PTPRE: variants seen among roughly 807,000 people sequenced by gnomAD.
PTPRE encodes the protein receptor-type tyrosine-protein phosphatase epsilon.
PTPRE carries 51 observed loss-of-function variants against 102.0 expected under a neutral mutation model. The observed-to-expected ratio is 0.50, with a 90% CI of 0.40 to 0.63. PTPRE has a LOEUF of 0.63. Among genes scored for constraint, PTPRE ranks in the 30% least tolerant of loss-of-function variants. The probability of loss-of-function intolerance (pLI) is 0.00; values close to 1 mark genes in which losing one functional copy is unlikely to be tolerated. For synonymous variants in PTPRE, 345 were observed against 348.2 expected (o/e 0.99, Z 0.10); for missense variants, 752 against 915.1 (o/e 0.82, Z 2.30).
intron 2 of PTPRE, chr10:127,999,442 T>C (rs1853644036): frequency 4.7e-6 from 3 of 642,244 alleles, no homozygotes; most frequent in Non-Finnish European, 5.8e-6. Flanking sequence ...CTCGTTGTCC[T>C]TTCTTCCTCC....
intron 2 of PTPRE, among the ~76,000 whole-genome samples, chr10:127,984,316 G>C (rs1380408613): frequency 1.3e-5 from 2 of 151,938 alleles, no homozygotes; most frequent in Admixed American, 6.6e-5. Context: ...CCCGACCTCA[G>C]GTGATCTGCC....
chr10:127,961,018 C>CA (rs5788882), intron 1 of PTPRE, among the ~76,000 whole-genome samples: 53,343 of 140,214 alleles, frequency 0.38, 10,403 homozygotes, highest in African/African-American at 0.49. Flanking sequence ...CAGACTCTGT[C>CA]AAAAAAAAAA....
At chr10:127,940,447 T>C (rs1848161990) in intron 1 of PTPRE, among the ~76,000 whole-genome samples, 1 of 152,144 alleles carries the variant, frequency 6.6e-6, no homozygotes. Flanking sequence ...GCTGGTCCCC[T>C]GCATGCACCT....
At chr10:128,047,590 G>C in intron 4 of PTPRE, 101 bp downstream of exon 4, 1 of 1,612,458 alleles carries the variant, frequency 6.2e-7, no homozygotes, top group Non-Finnish European at 8.5e-7. Context: ...GGGCAGCTGA[G>C]AGGCTGGGTG....
Position 128,060,133 on chromosome 10 carries a change from C to A in PTPRE, c.512-806C>A, listed in dbSNP as rs1849425688. Among the ~76,000 whole-genome samples the A allele has an allele frequency of 2.0e-5, 3 of 150,870 alleles. No homozygotes were observed. In the South Asian group the frequency reaches 6.3e-4, roughly 32 times the overall value. On this transcript the variant is annotated intron_variant, in intron 7 of 20. Transcript: ENST00000254667. ...CATACACACCAAACCCACATGCACA[C>A]ATTCACACAGCATACACACTACACA... is the stretch of plus-strand genomic sequence containing the variant.
chr10:128,064,952 G>A lies in PTPRE; in HGVS notation c.724-1123G>A, dbSNP rs572658482. On this transcript the variant is annotated intron_variant, in intron 10 of 20. Transcript: ENST00000254667. ...AGCCACCAACACTGAGCCCTTGAGA[G>A]GCTGACACATGTTCTCAGTTCCTAC... Among the ~76,000 whole-genome samples the A allele has an allele frequency of 9.7e-4, 147 of 152,316 alleles. 1 individual carries two copies. Among genetic ancestry groups the A allele is most frequent in the South Asian group, 2.3e-3 (11 of 4,830 alleles).
intron 10 of PTPRE, among the ~76,000 whole-genome samples, 170 bp downstream of exon 10, chr10:128,063,350 T>G (rs966257725): frequency 3.9e-5 from 6 of 152,094 alleles, no homozygotes; most frequent in Non-Finnish European, 8.8e-5. Context: ...ACGAAACAAA[T>G]CCCCTGTGTC....
chr10:127,926,654 T>C (rs1204193704), intron 1 of PTPRE, among the ~76,000 whole-genome samples: 2 of 151,990 alleles, frequency 1.3e-5, no homozygotes, highest in Non-Finnish European at 2.9e-5. Context: ...ACGGGCTCTG[T>C]GTGTCCGAAG....
chr10:128,085,720 T>C lies in PTPRE; in HGVS notation c.*2814T>C, dbSNP rs1212944124. 1.3e-5 allele frequency: 2 copies of C among 152,602 alleles called. No homozygotes were observed. The highest frequency in any genetic ancestry group is 4.8e-5 in the African/African-American group (2 of 41,442). The allele number at this position is 152,602 out of a possible 1,614,324, so 9.5% of individuals were successfully genotyped here. On this transcript the variant is annotated 3_prime_UTR_variant, in exon 21 of 21. Transcript: ENST00000254667. ...TATGTTATTACAGTTTCAACTATCA[T>C]ATTTTCTTTGATTACATTTATAATT...
chr10:127,981,545 T>C (rs1417734666), intron 1 of PTPRE, among the ~76,000 whole-genome samples: 2 of 152,120 alleles, frequency 1.3e-5, no homozygotes, highest in African/African-American at 2.4e-5. Context: ...AGGCTGGGCA[T>C]GGAGGCTCAT....
At position 128,061,023 on chromosome 10, in the gene PTPRE, G is replaced by A. The variant is rs1456048931; in HGVS notation, c.588+8G>A. On this transcript the variant is annotated splice_region_variant and intron_variant, in intron 8 of 20. Coordinates refer to ENST00000254667, the MANE Select transcript of PTPRE (RefSeq NM_006504.6). ...AATGCTTCCTACATAGATGTAAGTGGGCAGAGGTTTCTTGTTCCCCTGGCC... is the reference window on the plus strand; with the variant it reads ...AATGCTTCCTACATAGATGTAAGTGAGCAGAGGTTTCTTGTTCCCCTGGCC... 9.9e-6 allele frequency: 16 copies of A among 1,613,718 alleles called. No individual in the cohort carries two copies. The highest frequency in any genetic ancestry group is 1.7e-5 in the Admixed American group (1 of 60,022).
At chr10:128,035,099 C>T (rs1000924140) in intron 2 of PTPRE, among the ~76,000 whole-genome samples, 2 of 152,134 alleles carry the variant, frequency 1.3e-5, no homozygotes, top group African/African-American at 2.4e-5. Flanking sequence ...CCTCCCACCT[C>T]AGTCCAGCAA....
At chr10:127,917,794 C>A (rs932457285) in intron 1 of PTPRE, among the ~76,000 whole-genome samples, 75 of 152,250 alleles carry the variant, frequency 4.9e-4, no homozygotes, top group African/African-American at 1.8e-3. Flanking sequence ...TTTTGTGAGG[C>A]CAAGGTAGGT....
chr10:127,923,864 C>T (rs1020755500), intron 1 of PTPRE, among the ~76,000 whole-genome samples: 11 of 152,112 alleles, frequency 7.2e-5, no homozygotes, highest in Non-Finnish European at 1.5e-4. Flanking sequence ...GAAGCTGAGA[C>T]CCCTGAGGGA....
chr10:128,018,556 C>T (rs1251365005), intron 2 of PTPRE, among the ~76,000 whole-genome samples: 2 of 152,182 alleles, frequency 1.3e-5, no homozygotes, highest in African/African-American at 2.4e-5. Context: ...GCGGTGTTGG[C>T]CGAGGCCCTC....
At chr10:127,995,857 G>A (rs61873725) in intron 2 of PTPRE, among the ~76,000 whole-genome samples, 10 of 126,304 alleles carry the variant, frequency 7.9e-5, no homozygotes, top group East Asian at 5.9e-4. Flanking sequence ...ACACACACAC[G>A]CACGCAAAGT....
intron 2 of PTPRE, among the ~76,000 whole-genome samples, chr10:127,990,826 G>T (rs1250054263): frequency 6.6e-6 from 1 of 152,154 alleles, no homozygotes; most frequent in African/African-American, 2.4e-5. Flanking sequence ...TTTTTAAAAA[G>T]CATTTTATTA....
At position 128,063,108 on chromosome 10, in the gene PTPRE, C is replaced by T. The variant is rs765414329; in HGVS notation, c.651C>T (p.Asp217=). 9 of 1,614,222 alleles carry T rather than the reference C, an allele frequency of 5.6e-6. No individual in the cohort carries two copies. The South Asian group carries it at 9.9e-5, about 18-fold the overall frequency. Residue 217 remains aspartate (D), a synonymous_variant, in exon 10 of 21, where the codon GAC becomes GAT. Transcript: ENST00000254667. ...AQGPKQETVN[D]FWRMVWEQKS... ...GTCCCAAACAGGAAACGGTTAACGA[C>T]TTCTGGAGAATGGTCTGGGAGCAAA...
rs192414230 is a variant in PTPRE, at chr10:127,971,510, C to G, written c.-30-10764C>G. Among the ~76,000 whole-genome samples, 3 of 152,164 alleles carry G rather than the reference C, an allele frequency of 2.0e-5. No individual in the cohort carries two copies. The South Asian group carries it at 6.2e-4, about 32-fold the overall frequency. ...TTTCACTCGGTGCCGCCCTGAGGTG[C>G]GAGAGCCCCATGCATGGTGCCCTGG... On this transcript the variant is annotated intron_variant, in intron 1 of 20. Transcript: ENST00000254667.
Sources: allele counts gnomAD v4.1 joint callset (sites outside exome capture counted in the v4.1 genomes callset), GRCh38; gene constraint gnomAD v4.1.1; transcripts MANE v1.5; gene names NCBI Gene and HGNC (gene_info 2026-07-23, HGNC 2026-07-21).